Variants in KANSL1L observed in about 807,000 individuals in gnomAD.
KANSL1L encodes the protein KAT8 regulatory NSL complex subunit 1 like.
In KANSL1L, 25 loss-of-function variants were observed where a neutral mutation model predicts 108.6. The ratio of observed to expected loss-of-function variants is 0.23; its 90% CI spans 0.17 to 0.32. The LOEUF (loss-of-function observed/expected upper bound fraction) is 0.32, where lower values mean the gene tolerates loss of function less well. Ranked by LOEUF, KANSL1L falls within the 10% of genes least tolerant of loss-of-function variation. KANSL1L has a pLI of 1.00. For synonymous variants in KANSL1L, 405 were observed against 395.1 expected (o/e 1.03, Z -0.30); for missense variants, 1,137 against 1,125.7 (o/e 1.01, Z -0.14).
intron 6 of KANSL1L, among the ~76,000 whole-genome samples, chr2:210,068,144 G>A (rs955643222): frequency 9.9e-5 from 15 of 152,130 alleles, no homozygotes; most frequent in African/African-American, 2.7e-4. Flanking sequence ...CCAAAGTGCT[G>A]GGATTACAGG....
chr2:210,143,824 ATTATT>A (rs909820900), intron 2 of KANSL1L, among the ~76,000 whole-genome samples: 4 of 152,268 alleles, frequency 2.6e-5, no homozygotes, highest in Admixed American at 6.5e-5. Flanking sequence ...TATTGTAGCT[ATTATT>A]TTAATAGCTT....
chr2:210,048,320 A>G (rs1404963704), intron 6 of KANSL1L, among the ~76,000 whole-genome samples: 1 of 150,074 alleles, frequency 6.7e-6, no homozygotes, highest in Non-Finnish European at 1.5e-5. Flanking sequence ...TCTAACCTTT[A>G]TTTTTATTAA....
At chr2:210,171,583 C>T (rs1383014263), upstream of KANSL1L, 1 of 152,314 alleles carries the variant, frequency 6.6e-6, no homozygotes, top group Non-Finnish European at 1.5e-5. Flanking sequence ...CAGGGTTTAC[C>T]TCGGCTCCCT....
intron 6 of KANSL1L, among the ~76,000 whole-genome samples, chr2:210,069,309 G>A (rs1386271163): frequency 6.6e-6 from 1 of 152,116 alleles, no homozygotes; most frequent in Admixed American, 6.6e-5. Context: ...AGCAAATTCT[G>A]TTCATGATGA....
Position 210,025,110 on chromosome 2 carries a change from T to G in KANSL1L, c.2558A>C (p.Asn853Thr). ...LWEQSKWHRR[N>T]SRAYSKNVEG... Reference sequence around the variant, plus strand: ...TTTTAAATTTGTAACCTGCCTGCTGTTTCTTCTGTGCCACTTGCTTTGCTC... The same window carrying G: ...TTTTAAATTTGTAACCTGCCTGCTGGTTCTTCTGTGCCACTTGCTTTGCTC... Residue 853 changes from asparagine (N) to threonine (T), a missense_variant, in exon 13 of 15, where the codon AAC becomes ACC. Transcript: ENST00000281772. 1 of 1,600,736 alleles carries G rather than the reference T, an allele frequency of 6.2e-7. No individual in the cohort carries two copies. The highest frequency in any genetic ancestry group is 8.6e-7 in the Non-Finnish European group (1 of 1,167,802).
intron 12 of KANSL1L, among the ~76,000 whole-genome samples, chr2:210,027,089 G>A (rs1202542591): frequency 6.6e-6 from 1 of 151,940 alleles, no homozygotes; most frequent in Non-Finnish European, 1.5e-5. Flanking sequence ...TTAAATTATT[G>A]TGTATTTCTA....
intron 5 of KANSL1L, among the ~76,000 whole-genome samples, chr2:210,090,788 C>T (rs1046277616): frequency 6.6e-6 from 1 of 152,120 alleles, no homozygotes; most frequent in Admixed American, 6.6e-5. Context: ...CTGCCTTAGC[C>T]TCCCAAAGTC....
At chr2:210,109,752 T>A (rs2094886529) in intron 3 of KANSL1L, among the ~76,000 whole-genome samples, 1 of 152,122 alleles carries the variant, frequency 6.6e-6, no homozygotes. Context: ...CTATGGCTCC[T>A]GAATCAGCCT....
chr2:210,090,992 A>G (rs2094688810), intron 5 of KANSL1L, among the ~76,000 whole-genome samples: 1 of 152,238 alleles, frequency 6.6e-6, no homozygotes, highest in Admixed American at 6.5e-5. Context: ...CACAGAGGAC[A>G]ATTAACTGTA....
chr2:210,153,819 T>G lies in KANSL1L; in HGVS notation c.764A>C (p.Lys255Thr), dbSNP rs372001987. The change falls in exon 2 of 15, where the codon AAG (lysine) becomes ACG (threonine). Residue 255 changes from lysine to threonine, a missense_variant. Coordinates refer to ENST00000281772, the MANE Select transcript of KANSL1L (RefSeq NM_152519.4). ...LQMLLAKHVVKHYGQQMKLSM... is the reference protein window; with the variant it reads ...LQMLLAKHVVTHYGQQMKLSM... ...CAATTTCATCTGCTGACCATAGTGC[T>G]TAACAACATGCTTTGCCAGGAGCAT... 22 of 1,613,244 alleles carry G rather than the reference T, an allele frequency of 1.4e-5. No homozygotes were observed. The highest frequency in any genetic ancestry group is 1.9e-5 in the Non-Finnish European group (22 of 1,179,804).
At chr2:210,160,035 CA>C (rs1559615948) in intron 1 of KANSL1L, among the ~76,000 whole-genome samples, 2 of 151,274 alleles carry the variant, frequency 1.3e-5, no homozygotes, top group African/African-American at 4.9e-5. Flanking sequence ...GACTCCGTCT[CA>C]AAAAAAAGAA....
intron 2 of KANSL1L, among the ~76,000 whole-genome samples, chr2:210,130,859 T>C (rs1000039442): frequency 1.1e-4 from 15 of 134,936 alleles, no homozygotes; most frequent in East Asian, 4.3e-4. Context: ...TTTTTTTTTT[T>C]CAAGAACTTT....
chr2:210,128,892 T>C lies in KANSL1L; in HGVS notation c.1230+139A>G, dbSNP rs1405941694. 6 of 613,788 alleles carry C rather than the reference T, an allele frequency of 9.8e-6. No individual in the cohort carries two copies. In the African/African-American group the frequency reaches 1.1e-4, roughly 12 times the overall value. The allele number at this position is 613,788 out of a possible 1,614,324, so 38.0% of individuals were successfully genotyped here. A position where few individuals can be genotyped will look rare whatever the true frequency, so the allele number is the denominator to read the frequency against. ...GCATTACAAAAATAGCTTCAATTTA[T>C]AATAATATATCAAAAATTTTAACAT... On this transcript the variant is annotated intron_variant, in intron 3 of 14. Coordinates refer to ENST00000281772, the MANE Select transcript of KANSL1L (RefSeq NM_152519.4).
At chr2:210,083,547 G>A (rs753237520) in intron 5 of KANSL1L, among the ~76,000 whole-genome samples, 62 of 152,184 alleles carry the variant, frequency 4.1e-4, no homozygotes, top group Non-Finnish European at 7.9e-4. Flanking sequence ...AGATACGAAT[G>A]CATCACATAT....
At chr2:210,027,181 A>C in intron 12 of KANSL1L, 115 bp downstream of exon 12, 1 of 646,176 alleles carries the variant, frequency 1.5e-6, no homozygotes, top group South Asian at 2.3e-5. Context: ...GTGAAAAGAA[A>C]AAAATCAGTG....
chr2:210,079,464 C>CCCATA (rs1251304227), intron 5 of KANSL1L, among the ~76,000 whole-genome samples: 1 of 150,212 alleles, frequency 6.7e-6, no homozygotes, highest in African/African-American at 2.5e-5. Context: ...GCCCTGGTGG[C>CCCATA]CCATACCTAT....
At chr2:210,029,009 G>T in intron 10 of KANSL1L, 40 bp from the exon 11 acceptor site, 1 of 1,531,494 alleles carries the variant, frequency 6.5e-7, no homozygotes, top group Non-Finnish European at 8.8e-7. Flanking sequence ...GTACTGTCTA[G>T]TTACTTGTAA....
intron 3 of KANSL1L, among the ~76,000 whole-genome samples, chr2:210,112,785 C>T (rs2094921068): frequency 1.3e-5 from 2 of 152,150 alleles, no homozygotes; most frequent in African/African-American, 4.8e-5. Flanking sequence ...AGGAATCTGT[C>T]ACCCCACCTA....
intron 3 of KANSL1L, among the ~76,000 whole-genome samples, chr2:210,124,767 A>G (rs953987911): frequency 2.0e-5 from 3 of 152,280 alleles, no homozygotes; most frequent in African/African-American, 7.2e-5. Flanking sequence ...ATGAACTAAG[A>G]AAACAAAGAA....
Sources: allele counts gnomAD v4.1 joint callset (sites outside exome capture counted in the v4.1 genomes callset), GRCh38; gene constraint gnomAD v4.1.1; transcripts MANE v1.5; gene names NCBI Gene and HGNC (gene_info 2026-07-23, HGNC 2026-07-21).